Variants in SLC35D4 observed in about 807,000 individuals in gnomAD.
The protein encoded by SLC35D4 is UDP-N-acetylglucosamine transporter SLC35D4.
chr18:23,380,352 G>C, the SLC35D4 span, among the ~76,000 whole-genome samples: 2 of 152,116 alleles, frequency 1.3e-5, no homozygotes, highest in African/African-American at 4.8e-5. Flanking sequence ...TGTCACCCCT[G>C]CTGGCACCCT....
At chr18:23,313,347 A>T in the SLC35D4 span, among the ~76,000 whole-genome samples, 1 of 151,850 alleles carries the variant, frequency 6.6e-6, no homozygotes, top group African/African-American at 2.4e-5. Context: ...TTTTATCATT[A>T]AGCCCAAAAC....
the SLC35D4 span, among the ~76,000 whole-genome samples, chr18:23,361,942 A>G: frequency 1.3e-5 from 2 of 152,198 alleles, no homozygotes; most frequent in Non-Finnish European, 2.9e-5. Flanking sequence ...TTTTTAGTAT[A>G]TTCATAGAGT....
At chr18:23,314,041 C>T in the SLC35D4 span, among the ~76,000 whole-genome samples, 1 of 152,220 alleles carries the variant, frequency 6.6e-6, no homozygotes, top group Non-Finnish European at 1.5e-5. Context: ...GCCTGGATTT[C>T]CAGCCCTGTG....
chr18:23,384,430 G>A, the SLC35D4 span, among the ~76,000 whole-genome samples: 17 of 152,152 alleles, frequency 1.1e-4, no homozygotes, highest in African/African-American at 3.9e-4. Flanking sequence ...CTGATGTGCA[G>A]AGCACCTACT....
chr18:23,358,227 T>C, the SLC35D4 span, among the ~76,000 whole-genome samples: 1 of 152,210 alleles, frequency 6.6e-6, no homozygotes, highest in South Asian at 2.1e-4. Context: ...GCGCAGCCAA[T>C]GTGATAATGA....
chr18:23,292,213 A>T, the SLC35D4 span, among the ~76,000 whole-genome samples: 1 of 152,130 alleles, frequency 6.6e-6, no homozygotes, highest in African/African-American at 2.4e-5. Flanking sequence ...CTCTCCTGAC[A>T]TTGTCTCTCA....
the SLC35D4 span, among the ~76,000 whole-genome samples, chr18:23,288,169 G>T: frequency 6.6e-6 from 1 of 152,008 alleles, no homozygotes; most frequent in Non-Finnish European, 1.5e-5. Context: ...GCATCTCTTT[G>T]ATCCACCTGA....
the SLC35D4 span, among the ~76,000 whole-genome samples, chr18:23,430,469 C>T: frequency 6.6e-6 from 1 of 152,048 alleles, no homozygotes; most frequent in African/African-American, 2.4e-5. Context: ...TGTTTTCATA[C>T]CCCCAAAATA....
At chr18:23,364,474 G>C in the SLC35D4 span, among the ~76,000 whole-genome samples, 4 of 152,138 alleles carry the variant, frequency 2.6e-5, no homozygotes, top group African/African-American at 9.7e-5. Context: ...GCCACACACA[G>C]ACATTATTGT....
At chr18:23,362,325 G>T in the SLC35D4 span, among the ~76,000 whole-genome samples, 1 of 152,320 alleles carries the variant, frequency 6.6e-6, no homozygotes, top group African/African-American at 2.4e-5. Context: ...GGGACTGGGC[G>T]TGGTGGCTCA....
chr18:23,311,373 G>A, the SLC35D4 span, among the ~76,000 whole-genome samples: 25 of 150,194 alleles, frequency 1.7e-4, no homozygotes, highest in Admixed American at 4.0e-4. Flanking sequence ...AATTATAGGC[G>A]TGAGCCACCG....
the SLC35D4 span, among the ~76,000 whole-genome samples, chr18:23,322,406 T>C: frequency 3.9e-5 from 6 of 152,332 alleles, no homozygotes; most frequent in South Asian, 1.2e-3. Context: ...GGCAGTAGAA[T>C]TCAAGTACCA....
chr18:23,313,384 T>C, the SLC35D4 span, among the ~76,000 whole-genome samples: 1 of 148,246 alleles, frequency 6.7e-6, no homozygotes, highest in Non-Finnish European at 1.5e-5. Context: ...AGGGGTAAAA[T>C]AGGGAAAAGA....
chr18:23,316,544 G>T, the SLC35D4 span, among the ~76,000 whole-genome samples: 1 of 152,108 alleles, frequency 6.6e-6, no homozygotes, highest in Non-Finnish European at 1.5e-5. Context: ...TAAACTCCAG[G>T]CATGGCTATT....
the SLC35D4 span, among the ~76,000 whole-genome samples, chr18:23,249,401 G>A: frequency 6.6e-6 from 1 of 152,220 alleles, no homozygotes; most frequent in Non-Finnish European, 1.5e-5. Context: ...CAAACCAGGA[G>A]TGGGCAATAG....
the SLC35D4 span, among the ~76,000 whole-genome samples, chr18:23,419,696 G>A: frequency 6.6e-6 from 1 of 152,016 alleles, no homozygotes. Flanking sequence ...GGAGTAGAGG[G>A]CTACAAAGCA....
At chr18:23,321,599 C>A in the SLC35D4 span, among the ~76,000 whole-genome samples, 1 of 152,150 alleles carries the variant, frequency 6.6e-6, no homozygotes, top group African/African-American at 2.4e-5. Flanking sequence ...GGACTACAGG[C>A]ATGTGCCACC....
the SLC35D4 span, among the ~76,000 whole-genome samples, chr18:23,313,731 T>C: frequency 5.3e-5 from 8 of 152,262 alleles, no homozygotes; most frequent in African/African-American, 1.2e-4. Context: ...CCCCCAGGTA[T>C]TAGCACTGAG....
At chr18:23,287,260 A>G in the SLC35D4 span, among the ~76,000 whole-genome samples, 17,893 of 151,828 alleles carry the variant, frequency 0.12, 1,129 homozygotes, top group Middle Eastern at 0.19. Context: ...TCCTATCCTC[A>G]ATACCTCCCT....
Sources: allele counts gnomAD v4.1 joint callset (sites outside exome capture counted in the v4.1 genomes callset), GRCh38; gene constraint gnomAD v4.1.1; transcripts MANE v1.5; gene names NCBI Gene and HGNC (gene_info 2026-07-23, HGNC 2026-07-21).